The following LRRC28 variants were observed in gnomAD, a reference collection of about 807,000 sequenced individuals.
The protein encoded by LRRC28 is leucine-rich repeat-containing protein 28.
Under a neutral mutation model 45.7 loss-of-function variants are expected in LRRC28, and 39 were observed. The observed-to-expected ratio is 0.85, with a 90% CI of 0.66 to 1.12. The LOEUF (loss-of-function observed/expected upper bound fraction) is 1.12, where lower values mean the gene tolerates loss of function less well. LRRC28 is among the 50% of genes most tolerant of loss of function. LRRC28 has a pLI of 0.00. For synonymous variants in LRRC28, 206 were observed against 178.8 expected (o/e 1.15, Z -1.22); for missense variants, 435 against 438.5 (o/e 0.99, Z 0.07).
chr15:99,327,257 T>C (rs1352320559), intron 5 of LRRC28, among the ~76,000 whole-genome samples: 1 of 152,028 alleles, frequency 6.6e-6, no homozygotes, highest in Non-Finnish European at 1.5e-5. Context: ...GTATTTTTAG[T>C]AGAGATGAGA....
rs2292313 is a variant in LRRC28, at chr15:99,255,884, C to T, written c.-60-14C>T. On this transcript the variant is annotated splice_polypyrimidine_tract_variant and intron_variant, in intron 1 of 9. Coordinates refer to ENST00000301981, the MANE Select transcript of LRRC28 (RefSeq NM_144598.5). ...AAATCTTACAATGAATAAATTTTCT[C>T]GTTCTCTTTATAGAAATGGACCAAT... The T allele has an allele frequency of 0.64, 927,679 of 1,451,440 alleles. 297,566 individuals are homozygous for T. The highest frequency in any genetic ancestry group is 0.69 in the East Asian group (28,767 of 41,918). 89.9% of individuals were successfully genotyped at this position (1,451,440 alleles called of 1,614,324 possible). A position where few individuals can be genotyped will look rare whatever the true frequency, so the allele number is the denominator to read the frequency against.
chr15:99,386,348 A>G lies in LRRC28; in HGVS notation c.*246A>G, dbSNP rs1957990016. 1 of 427,798 alleles carries G rather than the reference A, an allele frequency of 2.3e-6. No homozygotes were observed. The highest frequency in any genetic ancestry group is 3.8e-5 in the Admixed American group (1 of 26,524). 26.5% of individuals were successfully genotyped at this position (427,798 alleles called of 1,614,324 possible). A position where few individuals can be genotyped will look rare whatever the true frequency, so the allele number is the denominator to read the frequency against. On this transcript the variant is annotated 3_prime_UTR_variant, in exon 10 of 10. Transcript: ENST00000301981. ...TTTATGTGAGTGTGTCTTTTACAGA[A>G]ACCATTTAGATTGATGGGCCTCCCC...
chr15:99,321,610 A>G (rs1429774029), intron 5 of LRRC28, among the ~76,000 whole-genome samples: 1 of 152,236 alleles, frequency 6.6e-6, no homozygotes, highest in Non-Finnish European at 1.5e-5. Context: ...AGTTTCCTCA[A>G]AAGTCCACAA....
rs147866896 is a variant in LRRC28 at position 99,372,568 on chromosome 15, T to C, written c.1031+9303T>C. 1.6e-3 allele frequency among the ~76,000 whole-genome samples: 238 copies of C among 152,324 alleles called. 1 individual carries two copies. The highest frequency in any genetic ancestry group is 0.013 in the East Asian group (66 of 5,192). On this transcript the variant is annotated intron_variant, in intron 9 of 9. Transcript: ENST00000301981. ...TACAACAAGCAGATACAATATGTTATTAGATGAGTCTCCCAAAAGCAAATA... is the reference window on the plus strand; with the variant it reads ...TACAACAAGCAGATACAATATGTTACTAGATGAGTCTCCCAAAAGCAAATA...
At chr15:99,270,933 C>T (rs78010146) in intron 2 of LRRC28, among the ~76,000 whole-genome samples, 7,828 of 152,172 alleles carry the variant, frequency 0.051, 286 homozygotes, top group African/African-American at 0.096. Context: ...TGTTACTTTT[C>T]TTTTTTTGTT....
At chr15:99,325,169 A>G (rs966066230) in intron 5 of LRRC28, among the ~76,000 whole-genome samples, 7 of 151,524 alleles carry the variant, frequency 4.6e-5, no homozygotes, top group African/African-American at 1.5e-4. Flanking sequence ...TTTATTACCA[A>G]GTATATAATT....
chr15:99,376,610 G>A (rs777523908), intron 9 of LRRC28, among the ~76,000 whole-genome samples: 10 of 152,082 alleles, frequency 6.6e-5, no homozygotes, highest in Non-Finnish European at 1.2e-4. Flanking sequence ...ATGTATACAT[G>A]TGCCATGTTG....
intron 9 of LRRC28, among the ~76,000 whole-genome samples, chr15:99,374,392 A>T (rs1013926744): frequency 1.3e-5 from 2 of 152,098 alleles, no homozygotes; most frequent in Non-Finnish European, 2.9e-5. Flanking sequence ...TTCAATTTCC[A>T]TGTGTTCATT....
chr15:99,389,313 T>C lies in LRRC28; in HGVS notation c.*3211T>C, dbSNP rs1958117827. ...GTCTAGGGGGAAAAAAAGGCTTCAA[T>C]ACCAGTTGGCTTATGAGGCTCTGCA... is the stretch of plus-strand genomic sequence containing the variant. On this transcript the variant is annotated 3_prime_UTR_variant, in exon 10 of 10. Coordinates refer to ENST00000301981, the MANE Select transcript of LRRC28 (RefSeq NM_144598.5). 1 of 152,228 alleles carries C rather than the reference T, an allele frequency of 6.6e-6. No homozygotes were observed. Among genetic ancestry groups the C allele is most frequent in the Non-Finnish European group, 1.5e-5 (1 of 68,044 alleles). The allele number at this position is 152,228 out of a possible 1,614,324, so 9.4% of individuals were successfully genotyped here.
chr15:99,285,411 GC>G (rs1379203062), intron 3 of LRRC28: 6 of 753,260 alleles, frequency 8.0e-6, no homozygotes, highest in Non-Finnish European at 1.4e-5. Context: ...CAAACCCAAA[GC>G]CCCTGGCGTG....
Position 99,334,148 on chromosome 15 carries a change from A to G in LRRC28, c.592+19A>G, listed in dbSNP as rs1956245870. On this transcript the variant is annotated intron_variant, in intron 6 of 9. Coordinates refer to ENST00000301981, the MANE Select transcript of LRRC28 (RefSeq NM_144598.5). ...CCACTTGGTAAGTGATTGTGTTTAA[A>G]GTAAAGCAGCCAAAGAATAAGATGG... The G allele has an allele frequency of 6.2e-7, 1 of 1,613,462 alleles. No individual in the cohort carries two copies. Among genetic ancestry groups the G allele is most frequent in the South Asian group, 1.1e-5 (1 of 91,072 alleles).
intron 2 of LRRC28, among the ~76,000 whole-genome samples, chr15:99,273,145 C>A (rs544963822): frequency 1.3e-5 from 2 of 152,314 alleles, no homozygotes; most frequent in Non-Finnish European, 2.9e-5. Flanking sequence ...TATTATGGAA[C>A]ACCAGTAGGT....
chr15:99,319,806 ATTTTATTTTATTTATT>A lies in LRRC28; in HGVS notation c.386-14103_386-14088del, dbSNP rs778353461. Among the ~76,000 whole-genome samples, 21 of 151,574 alleles carry A rather than the reference ATTTTATTTTATTTATT, an allele frequency of 1.4e-4. No homozygotes were observed. In the South Asian group the frequency reaches 2.1e-3, roughly 15 times the overall value. ...CATATGTTTGGGAACATTTTATTTT[ATTTTATTTTATTTATT>A]TTTTATTTTATTTGAGACAGAACCA... is the stretch of plus-strand genomic sequence containing the variant. On this transcript the variant is annotated intron_variant, in intron 5 of 9. Transcript: ENST00000301981.
intron 2 of LRRC28, chr15:99,259,088 A>G: frequency 8.5e-7 from 1 of 1,170,254 alleles, no homozygotes; most frequent in South Asian, 1.2e-5. Context: ...TGGTACCAAC[A>G]TTAAGCTTGG....
At chr15:99,276,265 C>T (rs7176859) in intron 2 of LRRC28, among the ~76,000 whole-genome samples, 4 of 151,116 alleles carry the variant, frequency 2.6e-5, no homozygotes, top group East Asian at 2.0e-4. Context: ...AAATGTAATG[C>T]GCTTGAATCA....
intron 5 of LRRC28, among the ~76,000 whole-genome samples, chr15:99,300,853 C>A (rs567211928): frequency 6.6e-6 from 1 of 152,116 alleles, no homozygotes; most frequent in Non-Finnish European, 1.5e-5. Context: ...AAAAAGTGTG[C>A]ACAGTTATGC....
chr15:99,325,957 G>C (rs1263508787), intron 5 of LRRC28, among the ~76,000 whole-genome samples: 1 of 152,188 alleles, frequency 6.6e-6, no homozygotes, highest in Admixed American at 6.5e-5. Flanking sequence ...AATAGAAGAA[G>C]ACGACCAATG....
intron 2 of LRRC28, among the ~76,000 whole-genome samples, chr15:99,265,147 T>C (rs138920651): frequency 1.3e-5 from 2 of 152,270 alleles, no homozygotes; most frequent in East Asian, 3.9e-4. Flanking sequence ...GTGACTAAGC[T>C]TATGGTGGAA....
At chr15:99,367,595 A>C (rs1056702010) in intron 9 of LRRC28, among the ~76,000 whole-genome samples, 11 of 152,210 alleles carry the variant, frequency 7.2e-5, no homozygotes, top group African/African-American at 2.7e-4. Context: ...TTGGCAATTA[A>C]ATGTCAACAT....
Sources: gnomAD v4.1 joint callset for allele counts (sites outside exome capture counted in the v4.1 genomes callset) on GRCh38, gnomAD v4.1.1 for gene constraint, MANE v1.5 for transcripts, NCBI Gene and HGNC (gene_info 2026-07-23, HGNC 2026-07-21) for gene names.